Variants in BRPF3 observed in about 807,000 individuals in gnomAD.
BRPF3 encodes the protein bromodomain and PHD finger containing 3.
In BRPF3, 18 loss-of-function variants were observed where a neutral mutation model predicts 102.0. That is an observed-to-expected ratio of 0.18 (90% CI 0.12 to 0.26). The LOEUF is 0.26. Among genes scored for constraint, BRPF3 ranks in the 10% least tolerant of loss-of-function variants. The probability of loss-of-function intolerance (pLI) is 1.00; values close to 1 mark genes in which losing one functional copy is unlikely to be tolerated. For synonymous variants in BRPF3, 570 were observed against 614.2 expected (o/e 0.93, Z 1.06); for missense variants, 1,147 against 1,567.8 (o/e 0.73, Z 4.53).
intron 8 of BRPF3, among the ~76,000 whole-genome samples, chr6:36,215,110 G>T (rs1768280218): frequency 6.6e-6 from 1 of 150,820 alleles, no homozygotes; most frequent in Admixed American, 6.6e-5. Context: ...TAAAGAGAGG[G>T]TTTTTTTTTG....
Position 36,230,698 on chromosome 6 carries a change from GC to G in BRPF3, c.*90del. ...TCTGCCCCTGCCAGATGTATGGCCGGCAGCTTCCCCCTCTCATGGTAGGCCA... is the reference window on the plus strand; with the variant it reads ...TCTGCCCCTGCCAGATGTATGGCCGGAGCTTCCCCCTCTCATGGTAGGCCA... On this transcript the variant is annotated 3_prime_UTR_variant, in exon 13 of 13. Transcript: ENST00000357641. The surrounding 1 kb of genome is among the most constrained non-coding windows in gnomAD (Gnocchi z 5.4). The G allele has an allele frequency of 6.9e-7, 1 of 1,446,218 alleles. No individual in the cohort carries two copies. The highest frequency in any genetic ancestry group is 9.3e-7 in the Non-Finnish European group (1 of 1,072,410). 89.6% of individuals were successfully genotyped at this position (1,446,218 alleles called of 1,614,324 possible). A position where few individuals can be genotyped will look rare whatever the true frequency, so the allele number is the denominator to read the frequency against.
chr6:36,219,357 T>G (rs1768451281), intron 9 of BRPF3, among the ~76,000 whole-genome samples: 1 of 152,266 alleles, frequency 6.6e-6, no homozygotes, highest in South Asian at 2.1e-4. Flanking sequence ...AAGAGAAAGA[T>G]TTCAGAATCT....
intron 9 of BRPF3, among the ~76,000 whole-genome samples, chr6:36,219,129 T>A (rs1042765653): frequency 1.3e-5 from 2 of 152,174 alleles, no homozygotes; most frequent in Non-Finnish European, 2.9e-5. Context: ...CAAGGCAGAC[T>A]GGGCATGTGT....
chr6:36,216,733 T>C (rs957968315), intron 8 of BRPF3, among the ~76,000 whole-genome samples: 3 of 152,200 alleles, frequency 2.0e-5, no homozygotes, highest in Non-Finnish European at 2.9e-5. Flanking sequence ...ATAGGACTTT[T>C]AGTGTGGCTA....
chr6:36,211,320 C>T lies in BRPF3; in HGVS notation c.2242C>T (p.Leu748=), dbSNP rs748705345. The T allele has an allele frequency of 6.2e-7, 1 of 1,614,244 alleles. No homozygotes were observed. The highest frequency in any genetic ancestry group is 1.7e-5 in the Admixed American group (1 of 60,026). Residue 748 remains leucine, a synonymous_variant, in exon 7 of 13, where the codon CTG becomes TTG. Transcript: ENST00000357641. ...GTCCCCAGAGGTGCAGCTGAAGGAGCTGCTGGAGAAACTGGACCTGGTGAG... is the reference window on the plus strand; with the variant it reads ...GTCCCCAGAGGTGCAGCTGAAGGAGTTGCTGGAGAAACTGGACCTGGTGAG... The part of the protein sequence containing the change: ...HLSPEVQLKE[L]LEKLDLVSAM...
At chr6:36,202,423 C>T (rs1457679233) in intron 2 of BRPF3, among the ~76,000 whole-genome samples, 1 of 130,816 alleles carries the variant, frequency 7.6e-6, no homozygotes, top group Non-Finnish European at 1.7e-5. Context: ...CCCCCCCCCT[C>T]CGCCCCCGCC....
Position 36,229,031 on chromosome 6 carries a change from CTCT to C in BRPF3, c.3414_3416del (p.Phe1139del). On this transcript the variant is annotated inframe_deletion, in exon 12 of 13. Transcript: ENST00000357641. The stretch of plus-strand genomic sequence containing the variant: ...GGCTGGAGAGAAGCTCTTCCTTGTC[CTCT>C]TCTTTGACAACAAGCGCACCTGGTT... 6.2e-7 allele frequency: 1 copy of C among 1,614,166 alleles called. No individual in the cohort carries two copies. Among genetic ancestry groups the C allele is most frequent in the Non-Finnish European group, 8.5e-7 (1 of 1,180,030 alleles).
At chr6:36,198,918 AC>A (rs1767599758) in intron 1 of BRPF3, among the ~76,000 whole-genome samples, 1 of 152,044 alleles carries the variant, frequency 6.6e-6, no homozygotes, top group Non-Finnish European at 1.5e-5. Context: ...TCTGGGAGAG[AC>A]TTTTGAGGTA....
intron 2 of BRPF3, among the ~76,000 whole-genome samples, chr6:36,203,632 T>C (rs916033211): frequency 2.6e-5 from 4 of 152,228 alleles, no homozygotes; most frequent in African/African-American, 4.8e-5. Context: ...AGCAACGTCC[T>C]GCCCAACATG....
intron 11 of BRPF3, among the ~76,000 whole-genome samples, chr6:36,228,522 T>C (rs570857272): frequency 6.6e-6 from 1 of 152,258 alleles, no homozygotes; most frequent in East Asian, 1.9e-4. Flanking sequence ...GTCACAAATA[T>C]ATCTGGTCCA....
intron 4 of BRPF3, among the ~76,000 whole-genome samples, chr6:36,209,544 T>A (rs965278230): frequency 2.0e-5 from 3 of 152,242 alleles, no homozygotes; most frequent in African/African-American, 7.2e-5. Context: ...TAATGATAAT[T>A]ATTATTGTTA....
At chr6:36,228,801 A>G (rs1381066973) in intron 11 of BRPF3, 101 bp from the exon 12 acceptor site, 1 of 1,370,530 alleles carries the variant, frequency 7.3e-7, no homozygotes, top group African/African-American at 1.4e-5. Context: ...CTCAGGCCTG[A>G]TACTCCCCTG....
In BRPF3 at chr6:36,201,432, C is replaced by G; in HGVS notation, c.1110C>G (p.Leu370=). Residue 370 remains leucine (L), a synonymous_variant, in exon 2 of 13, where the codon CTC becomes CTG. Transcript: ENST00000357641. The surrounding 1 kb of genome is among the most constrained non-coding windows in gnomAD (Gnocchi z 5.1). ...MKIEPMRETS[L]NGTIFTVRKT... is the part of the protein sequence containing the mutation. Reference sequence around the variant, plus strand: ...TTGAGCCCATGCGCGAAACCAGCCTCAATGGCACCATCTTTACAGTGCGCA... The same window carrying G: ...TTGAGCCCATGCGCGAAACCAGCCTGAATGGCACCATCTTTACAGTGCGCA... The G allele has an allele frequency of 6.2e-7, 1 of 1,614,238 alleles. No individual in the cohort carries two copies. Among genetic ancestry groups the G allele is most frequent in the Non-Finnish European group, 8.5e-7 (1 of 1,180,052 alleles).
chr6:36,209,808 A>G lies in BRPF3; in HGVS notation c.1759A>G (p.Met587Val), dbSNP rs754372932. 5.6e-6 allele frequency: 9 copies of G among 1,614,076 alleles called. No homozygotes were observed. In the East Asian group the frequency reaches 1.8e-4, roughly 32 times the overall value. ...ACAGGTCAAAGTCCAGCAGGCTGCC[A>G]TGGAGCTGGAGCTGATGCCATTCAA... ...REQVKVQQAA[M>V]ELELMPFNVL... The change falls in exon 5 of 13, where the codon ATG becomes GTG. Residue 587 changes from methionine (M) to valine (V), a missense_variant. Coordinates refer to ENST00000357641, the MANE Select transcript of BRPF3 (RefSeq NM_015695.3).
At chr6:36,197,358 G>C (rs1234929232) in intron 1 of BRPF3, 1 of 152,426 alleles carries the variant, frequency 6.6e-6, no homozygotes, top group African/African-American at 2.4e-5. Flanking sequence ...TCTCCGCCCC[G>C]CTCATTCGCT....
chr6:36,215,687 G>A (rs1041384089), intron 8 of BRPF3, among the ~76,000 whole-genome samples: 1 of 152,198 alleles, frequency 6.6e-6, no homozygotes, highest in Non-Finnish European at 1.5e-5. Context: ...GGTTATGAAG[G>A]CCTCAGGCCT....
chr6:36,217,885 G>A (rs1768386351), intron 8 of BRPF3, 32 bp from the exon 9 acceptor site: 1 of 1,599,728 alleles, frequency 6.3e-7, no homozygotes, highest in East Asian at 2.2e-5. Context: ...GGGGATTTCT[G>A]CACTCAGACT....
In BRPF3 at chr6:36,210,420, C is replaced by T. The variant is rs764612545; in HGVS notation, c.2071C>T (p.Arg691Trp). Residue 691 changes from arginine (R) to tryptophan (W), a missense_variant, in exon 6 of 13, where the codon CGG becomes TGG. This residue lies in a region of BRPF3 where 109 missense variants were observed against 175.1 expected (regional missense o/e 0.62). Transcript: ENST00000357641. This position sits in a 1 kb window ranked among gnomAD's most constrained non-coding sequence, Gnocchi z 4.7. ...GCGGGACCTGGGAGGGGCCATCCTACGGCACGCCCGGCGGCAGGCAGAGAA... is the reference window on the plus strand; with the variant it reads ...GCGGGACCTGGGAGGGGCCATCCTATGGCACGCCCGGCGGCAGGCAGAGAA... ...RLRDLGGAILRHARRQAENIG... is the reference protein window; with the variant it reads ...RLRDLGGAILWHARRQAENIG... 2.0e-5 allele frequency: 33 copies of T among 1,613,522 alleles called. No individual in the cohort carries two copies. The highest frequency in any genetic ancestry group is 5.5e-5 in the South Asian group (5 of 91,086).
intron 9 of BRPF3, among the ~76,000 whole-genome samples, chr6:36,219,947 A>C (rs368072933): frequency 6.6e-6 from 1 of 152,188 alleles, no homozygotes; most frequent in East Asian, 1.9e-4. Context: ...TCTATAGATC[A>C]CTCATTCAAA....
Sources: gnomAD v4.1 joint callset for allele counts (sites outside exome capture counted in the v4.1 genomes callset) on GRCh38, gnomAD v4.1.1 for gene constraint, gnomAD v4.1.1 regional missense constraint, Gnocchi (gnomAD v3.1) non-coding constraint, MANE v1.5 for transcripts, NCBI Gene and HGNC (gene_info 2026-07-23, HGNC 2026-07-21) for gene names.